ADGRG7: variants seen among roughly 807,000 people sequenced by gnomAD.
ADGRG7 encodes adhesion G protein-coupled receptor G7.
Under a neutral mutation model 88.6 loss-of-function variants are expected in ADGRG7, and 82 were observed. That is an observed-to-expected ratio of 0.93 (90% CI 0.77 to 1.11). The LOEUF (loss-of-function observed/expected upper bound fraction) is 1.11. Among genes scored for constraint, ADGRG7 ranks in the 50% most tolerant of loss-of-function variants. The pLI is 0.00. For missense variants in ADGRG7, 945 were observed against 953.4 expected, an observed-to-expected ratio of 0.99 and a Z score of 0.12; for synonymous variants, 381 against 345.2, an observed-to-expected ratio of 1.10 and a Z score of -1.15.
chr3:100,659,864 G>C (rs770099235), intron 14 of ADGRG7, 21 bp downstream of exon 14: 8 of 1,610,384 alleles, frequency 5.0e-6, no homozygotes, highest in East Asian at 4.5e-5. Flanking sequence ...CAATGAATGG[G>C]AAGCTGCCAG....
intron 15 of ADGRG7, among the ~76,000 whole-genome samples, chr3:100,680,768 C>T (rs9815749): frequency 0.33 from 49,745 of 151,998 alleles, 8,749 homozygotes; most frequent in South Asian, 0.48. Context: ...TCATAGTATA[C>T]GTTTATGTAT....
intron 1 of ADGRG7, among the ~76,000 whole-genome samples, chr3:100,618,207 G>A (rs1707253285): frequency 1.3e-5 from 2 of 152,118 alleles, no homozygotes; most frequent in Non-Finnish European, 2.9e-5. Context: ...CTGTGCAGAA[G>A]CTCTTTAGTT....
intron 1 of ADGRG7, among the ~76,000 whole-genome samples, chr3:100,626,400 C>T (rs1484467643): frequency 6.6e-6 from 1 of 152,112 alleles, no homozygotes; most frequent in Non-Finnish European, 1.5e-5. Flanking sequence ...TGGATTTTGA[C>T]TGTATCAATT....
rs755994477 is a variant in ADGRG7 at position 100,659,792 on chromosome 3, T to C, written c.1928T>C (p.Phe643Ser). The change falls in exon 14 of 16, where the codon TTT becomes TCT. Residue 643 changes from phenylalanine to serine, a missense_variant. Physicochemically the swap from Phe to Ser is radical, Grantham distance 155 (BLOSUM62 -2). Transcript: ENST00000273352. ...ATCCTCATCAGCAATGTTGTTATGTTTATTACAATCTCGATCAAAGTGCTG... is the reference window on the plus strand; with the variant it reads ...ATCCTCATCAGCAATGTTGTTATGTCTATTACAATCTCGATCAAAGTGCTG... ...TIILISNVVM[F>S]ITISIKVLWK... The C allele has an allele frequency of 1.2e-6, 2 of 1,614,056 alleles. No individual in the cohort carries two copies. Among genetic ancestry groups the C allele is most frequent in the African/African-American group, 2.7e-5 (2 of 75,034 alleles).
intron 1 of ADGRG7, among the ~76,000 whole-genome samples, chr3:100,628,666 C>T (rs941508152): frequency 2.0e-5 from 3 of 152,048 alleles, no homozygotes; most frequent in Non-Finnish European, 4.4e-5. Flanking sequence ...CTGTATTCTT[C>T]CACTTAGTTA....
chr3:100,644,235 C>T (rs551594979), intron 8 of ADGRG7, among the ~76,000 whole-genome samples: 4 of 151,892 alleles, frequency 2.6e-5, no homozygotes, highest in African/African-American at 9.6e-5. Flanking sequence ...TTTCATTTCT[C>T]CCCAAGCAAA....
chr3:100,655,083 G>T lies in ADGRG7; in HGVS notation c.1628G>T (p.Trp543Leu). ...LHYFLLVTFT[W>L]NALSAAQLYY... Reference sequence around the variant, plus strand: ...TATTTTCTGTTAGTGACATTTACCTGGAACGCACTCAGCGCTGCACAGCTC... The same window carrying T: ...TATTTTCTGTTAGTGACATTTACCTTGAACGCACTCAGCGCTGCACAGCTC... Residue 543 changes from tryptophan (W) to leucine (L), a missense_variant, in exon 12 of 16, where the codon TGG becomes TTG. Physicochemically the swap from Trp to Leu is moderately conservative, Grantham distance 61 (BLOSUM62 -2). Transcript: ENST00000273352. The T allele has an allele frequency of 6.2e-7, 1 of 1,614,102 alleles. No individual in the cohort carries two copies. Among genetic ancestry groups the T allele is most frequent in the African/African-American group, 1.3e-5 (1 of 75,012 alleles).
chr3:100,655,341 T>A (rs1217264050), intron 12 of ADGRG7, among the ~76,000 whole-genome samples, 160 bp downstream of exon 12: 1 of 152,170 alleles, frequency 6.6e-6, no homozygotes, highest in Non-Finnish European at 1.5e-5. Flanking sequence ...GTAGCTTATA[T>A]TCCAGTGAAG....
chr3:100,616,372 C>G (rs925639859), intron 1 of ADGRG7, among the ~76,000 whole-genome samples: 10 of 151,202 alleles, frequency 6.6e-5, no homozygotes, highest in Non-Finnish European at 1.2e-4. Context: ...CAAGATTAAG[C>G]CTTTAAAATA....
intron 14 of ADGRG7, among the ~76,000 whole-genome samples, chr3:100,660,898 G>A (rs2094944406): frequency 6.6e-6 from 1 of 151,174 alleles, no homozygotes; most frequent in African/African-American, 2.4e-5. Flanking sequence ...GTTGTGGTGA[G>A]CTGAGATTGC....
At chr3:100,632,565 G>A (rs1320817210) in intron 3 of ADGRG7, among the ~76,000 whole-genome samples, 1 of 152,158 alleles carries the variant, frequency 6.6e-6, no homozygotes, top group Non-Finnish European at 1.5e-5. Flanking sequence ...ATGTCATGGT[G>A]TAGAGGTGAA....
chr3:100,616,908 A>G (rs547484014), intron 1 of ADGRG7, among the ~76,000 whole-genome samples: 125 of 152,324 alleles, frequency 8.2e-4, no homozygotes, highest in African/African-American at 2.9e-3. Context: ...GGAAACTGTA[A>G]TTCAACACAG....
chr3:100,629,763 T>A, intron 2 of ADGRG7, 52 bp downstream of exon 2: 1 of 1,179,752 alleles, frequency 8.5e-7, no homozygotes, highest in Non-Finnish European at 1.3e-6. Flanking sequence ...ACTCTTGTGT[T>A]AATAAGAATA....
At chr3:100,674,582 T>C (rs1384999287) in intron 15 of ADGRG7, among the ~76,000 whole-genome samples, 2 of 148,144 alleles carry the variant, frequency 1.4e-5, no homozygotes, top group East Asian at 3.9e-4. Flanking sequence ...TTAATTCCTT[T>C]TTTTTTTTTT....
At chr3:100,689,368 C>T (rs372416424) in intron 15 of ADGRG7, among the ~76,000 whole-genome samples, 1 of 152,122 alleles carries the variant, frequency 6.6e-6, no homozygotes, top group Non-Finnish European at 1.5e-5. Context: ...GAGCATTTAG[C>T]CCATTTACAT....
intron 15 of ADGRG7, among the ~76,000 whole-genome samples, chr3:100,693,642 C>T (rs1342398246): frequency 6.6e-6 from 1 of 152,004 alleles, no homozygotes; most frequent in Admixed American, 6.6e-5. Flanking sequence ...TGGGAGACAT[C>T]CAAGGATATT....
chr3:100,658,742 C>T (rs1576328613), intron 13 of ADGRG7, among the ~76,000 whole-genome samples: 1 of 152,166 alleles, frequency 6.6e-6, no homozygotes, highest in Non-Finnish European at 1.5e-5. Flanking sequence ...AATTTCTACT[C>T]TCATTACCTG....
intron 15 of ADGRG7, among the ~76,000 whole-genome samples, chr3:100,688,491 C>T (rs1451426963): frequency 1.3e-5 from 2 of 152,156 alleles, no homozygotes; most frequent in East Asian, 1.9e-4. Flanking sequence ...TTAGATCTTT[C>T]CTGCTTTCTC....
At chr3:100,682,446 C>T (rs1305645727) in intron 15 of ADGRG7, among the ~76,000 whole-genome samples, 1 of 152,218 alleles carries the variant, frequency 6.6e-6, no homozygotes, top group East Asian at 1.9e-4. Flanking sequence ...CCGCCGACGG[C>T]GCCAAGTTCC....
Sources: gnomAD v4.1 joint callset for allele counts (sites outside exome capture counted in the v4.1 genomes callset) on GRCh38, gnomAD v4.1.1 for gene constraint, MANE v1.5 for transcripts, NCBI Gene and HGNC (gene_info 2026-07-23, HGNC 2026-07-21) for gene names.